The following KNSTRN variants were observed in gnomAD, a reference collection of about 807,000 sequenced individuals.
The protein encoded by KNSTRN is kinetochore localized astrin (SPAG5) binding protein, also known as small kinetochore-associated protein.
A neutral mutation model predicts 44.7 loss-of-function variants in KNSTRN; 38 were observed. That is an observed-to-expected ratio of 0.85 (90% CI 0.66 to 1.11). The LOEUF is 1.11. Ranked by LOEUF, KNSTRN falls within the 50% of genes most tolerant of loss-of-function variation. The pLI, the probability that KNSTRN is intolerant of heterozygous loss-of-function variation, is 0.00. For synonymous variants in KNSTRN, 158 were observed against 148.1 expected (o/e 1.07, Z -0.48); for missense variants, 406 against 375.8 (o/e 1.08, Z -0.66).
At position 40,383,269 on chromosome 15, in the gene KNSTRN, A is replaced by G; in HGVS notation, c.251A>G (p.Lys84Arg). 1 of 1,613,988 alleles carries G rather than the reference A, an allele frequency of 6.2e-7. No homozygotes were observed. Among genetic ancestry groups the G allele is most frequent in the East Asian group, 2.2e-5 (1 of 44,892 alleles). ...CRLVTMTSVV[K>R]TVYSLQPPSA... ...CTCGTTACGATGACCAGTGTGGTTA[A>G]GACAGTGTATAGCCTGCAGCCCCCC... The change falls in exon 2 of 9, where the codon AAG (lysine) becomes AGG (arginine). Residue 84 changes from lysine to arginine, a missense_variant. Physicochemically the swap from Lys to Arg is conservative, Grantham distance 26 (BLOSUM62 2). Coordinates refer to ENST00000249776, the MANE Select transcript of KNSTRN (RefSeq NM_033286.4).
chr15:40,393,448 T>C (rs1359744330), intron 8 of KNSTRN, 21 bp from the exon 9 acceptor site: 1 of 1,607,618 alleles, frequency 6.2e-7, no homozygotes, highest in Non-Finnish European at 8.5e-7. Context: ...TTGTTTTCTT[T>C]TGGAATGTCT....
chr15:40,391,611 T>A, intron 7 of KNSTRN, 57 bp downstream of exon 7: 1 of 1,359,512 alleles, frequency 7.4e-7, no homozygotes, highest in South Asian at 1.2e-5. Flanking sequence ...GCTCTGTAAA[T>A]CTAAGAAGGT....
In KNSTRN at chr15:40,393,453, A is replaced by G. The variant is rs1444336176; in HGVS notation, c.823-16A>G. ...TGTGTATGTGTTGTTTTCTTTTGGA[A>G]TGTCTTTCCATGCAGGCCTTAAAGG... is the stretch of plus-strand genomic sequence containing the variant. On this transcript the variant is annotated splice_polypyrimidine_tract_variant and intron_variant, in intron 8 of 8. Coordinates refer to ENST00000249776, the MANE Select transcript of KNSTRN (RefSeq NM_033286.4). The G allele has an allele frequency of 6.2e-6, 10 of 1,606,844 alleles. No homozygotes were observed. The highest frequency in any genetic ancestry group is 8.5e-6 in the Non-Finnish European group (10 of 1,177,864).
At chr15:40,392,403 A>G (rs998311540) in intron 8 of KNSTRN, among the ~76,000 whole-genome samples, 5 of 152,148 alleles carry the variant, frequency 3.3e-5, no homozygotes, top group African/African-American at 1.2e-4. Flanking sequence ...AAAACTAAGA[A>G]ATCAGCCAGG....
At position 40,387,147 on chromosome 15, in the gene KNSTRN, C is replaced by T; in HGVS notation, c.438-12C>T. 6.2e-7 allele frequency: 1 copy of T among 1,604,284 alleles called. No individual in the cohort carries two copies. Among genetic ancestry groups the T allele is most frequent in the Non-Finnish European group, 8.5e-7 (1 of 1,171,318 alleles). On this transcript the variant is annotated splice_polypyrimidine_tract_variant and intron_variant, in intron 3 of 8. Transcript: ENST00000249776. ...AAGTCTCTGATTCATTTCTTTGTTTCTGCCCTCCTAGGCAAATGAAAGCTA... is the reference window on the plus strand; with the variant it reads ...AAGTCTCTGATTCATTTCTTTGTTTTTGCCCTCCTAGGCAAATGAAAGCTA...
intron 8 of KNSTRN, among the ~76,000 whole-genome samples, chr15:40,392,328 C>T (rs1890014780): frequency 6.6e-6 from 1 of 152,034 alleles, no homozygotes; most frequent in Non-Finnish European, 1.5e-5. Flanking sequence ...ATTAGCTATT[C>T]TTCTTGATGC....
intron 8 of KNSTRN, chr15:40,393,095 G>A (rs1380908736): frequency 3.9e-6 from 5 of 1,267,434 alleles, no homozygotes; most frequent in Non-Finnish European, 5.7e-6. Context: ...GCTCAGAGTT[G>A]GGAATTGAGA....
intron 8 of KNSTRN, chr15:40,393,261 GA>G (rs1266442830): frequency 6.2e-7 from 1 of 1,613,536 alleles, no homozygotes. Context: ...TTAGATACAG[GA>G]GTCTAGTCCC....
chr15:40,390,009 C>A, intron 6 of KNSTRN, 80 bp downstream of exon 6: 1 of 1,083,092 alleles, frequency 9.2e-7, no homozygotes, highest in Non-Finnish European at 1.4e-6. Context: ...GGCAGCATGG[C>A]ATCAGCTGGC....
intron 2 of KNSTRN, chr15:40,383,535 C>G: frequency 1.8e-6 from 1 of 555,706 alleles, no homozygotes; most frequent in Non-Finnish European, 3.2e-6. Context: ...ACTTTTCTGC[C>G]CGCATGTGTA....
chr15:40,389,561 C>T lies in KNSTRN; in HGVS notation c.541C>T (p.Leu181=). Reference sequence around the variant, plus strand: ...GGAAGAGCTCAAGGACAAGAACCAGCTGTTAGAAGCCGTCAACAAGCAGTT... The same window carrying T: ...GGAAGAGCTCAAGGACAAGAACCAGTTGTTAGAAGCCGTCAACAAGCAGTT... ...SEEELKDKNQ[L]LEAVNKQLHQ... The change falls in exon 5 of 9, where the codon CTG becomes TTG. Residue 181 remains leucine (L), a synonymous_variant. Coordinates refer to ENST00000249776, the MANE Select transcript of KNSTRN (RefSeq NM_033286.4). 6.2e-7 allele frequency: 1 copy of T among 1,614,144 alleles called. No homozygotes were observed. Among genetic ancestry groups the T allele is most frequent in the Non-Finnish European group, 8.5e-7 (1 of 1,180,000 alleles).
rs1890046945 is a variant in KNSTRN, at chr15:40,393,967, C to A, written c.*370C>A. The A allele has an allele frequency of 5.7e-6, 1 of 176,954 alleles. No homozygotes were observed. The highest frequency in any genetic ancestry group is 2.4e-5 in the African/African-American group (1 of 41,602). 11.0% of individuals were successfully genotyped at this position (176,954 alleles called of 1,614,324 possible). The stretch of plus-strand genomic sequence containing the variant: ...ACATTCAGATTTTCAGGAAGAAAAT[C>A]TTCATTACAGTGGAGCACAAATGTT... On this transcript the variant is annotated 3_prime_UTR_variant, in exon 9 of 9. Transcript: ENST00000249776.
intron 8 of KNSTRN, 148 bp downstream of exon 8, chr15:40,392,171 C>A: frequency 1.7e-6 from 1 of 583,322 alleles, no homozygotes; most frequent in South Asian, 2.9e-5. Context: ...AGAAAATTTA[C>A]CCTGATAGTA....
intron 2 of KNSTRN, chr15:40,384,687 C>T (rs919567997): frequency 5.8e-5 from 15 of 260,756 alleles, no homozygotes; most frequent in African/African-American, 3.4e-4. Context: ...GGCTGCCTCC[C>T]AGGATTTTTG....
At chr15:40,391,827 C>G in intron 7 of KNSTRN, 122 bp from the exon 8 acceptor site, 1 of 799,632 alleles carries the variant, frequency 1.3e-6, no homozygotes, top group Non-Finnish European at 2.0e-6. Flanking sequence ...CTGTTCTATA[C>G]TTTATCAAAT....
At chr15:40,384,684 T>C in intron 2 of KNSTRN, 1 of 262,050 alleles carries the variant, frequency 3.8e-6, no homozygotes, top group Non-Finnish European at 7.8e-6. Flanking sequence ...TTAGGCTGCC[T>C]CCCAGGATTT....
intron 8 of KNSTRN, among the ~76,000 whole-genome samples, chr15:40,392,977 A>G (rs1419235043): frequency 2.0e-5 from 3 of 151,460 alleles, no homozygotes; most frequent in African/African-American, 7.3e-5. Context: ...CCAAGTCTTC[A>G]TTTGGATTTT....
chr15:40,391,080 C>T (rs1488735513), intron 6 of KNSTRN, among the ~76,000 whole-genome samples: 1 of 152,122 alleles, frequency 6.6e-6, no homozygotes, highest in Non-Finnish European at 1.5e-5. Flanking sequence ...CCACATCCGA[C>T]ACCATAAATA....
At chr15:40,383,130 C>T in intron 1 of KNSTRN, 86 bp downstream of exon 1, 3 of 1,589,284 alleles carry the variant, frequency 1.9e-6, no homozygotes, top group Non-Finnish European at 2.6e-6. Context: ...CTTTTCCAAC[C>T]CCGAGCCGGG....
Sources: allele counts gnomAD v4.1 joint callset (sites outside exome capture counted in the v4.1 genomes callset), GRCh38; gene constraint gnomAD v4.1.1; transcripts MANE v1.5; gene names NCBI Gene and HGNC (gene_info 2026-07-23, HGNC 2026-07-21).